PUM1: variants seen among roughly 807,000 people sequenced by gnomAD.
PUM1 encodes pumilio homolog 1.
A neutral mutation model predicts 131.8 loss-of-function variants in PUM1; 13 were observed. That is an observed-to-expected ratio of 0.10 (90% CI 0.06 to 0.16). The LOEUF is 0.16. Ranked by LOEUF, PUM1 falls within the 10% of genes least tolerant of loss-of-function variation. The pLI is 1.00. For synonymous variants in PUM1, 509 were observed against 556.5 expected (o/e 0.91, Z 1.20); for missense variants, 961 against 1,512.4 (o/e 0.64, Z 6.05).
rs148358387 is a variant in PUM1, at chr1:30,992,530, T to G, written c.1018A>C (p.Met340Leu). 5.3e-4 allele frequency: 855 copies of G among 1,614,244 alleles called. 6 individuals are homozygous for G. The highest frequency in any genetic ancestry group is 1.1e-4 in the Non-Finnish European group (128 of 1,180,030). Residue 340 changes from methionine to leucine, a missense_variant, in exon 7 of 22, where the codon ATG becomes CTG. Physicochemically the swap from Met to Leu is conservative, Grantham distance 15. Coordinates refer to ENST00000426105, the MANE Select transcript of PUM1 (RefSeq NM_001020658.2). ...GAKPVEDFSN[M>L]ESQSVPLDPM... Reference sequence around the variant, plus strand: ...TCCAAGGGGACACTCTGGGACTCCATGTTGGAGAAATCCTCCACAGGCTTG... The same window carrying G: ...TCCAAGGGGACACTCTGGGACTCCAGGTTGGAGAAATCCTCCACAGGCTTG...
chr1:31,010,195 T>G (rs1245334985), intron 3 of PUM1, among the ~76,000 whole-genome samples: 2 of 152,116 alleles, frequency 1.3e-5, no homozygotes, highest in Non-Finnish European at 2.9e-5. Context: ...CTCTTAAAAG[T>G]CTCTGAATCT....
chr1:31,017,993 C>A (rs1467961743), intron 3 of PUM1, among the ~76,000 whole-genome samples: 2 of 152,072 alleles, frequency 1.3e-5, no homozygotes, highest in Non-Finnish European at 2.9e-5. Context: ...GAAGTAGGGG[C>A]AAGGACAAAA....
chr1:31,045,010 T>G (rs1643918646), intron 2 of PUM1, among the ~76,000 whole-genome samples: 1 of 151,946 alleles, frequency 6.6e-6, no homozygotes, highest in African/African-American at 2.4e-5. Flanking sequence ...TGGTTTCATA[T>G]GTTGGTCTCG....
intron 3 of PUM1, among the ~76,000 whole-genome samples, chr1:31,007,537 A>G (rs1027209944): frequency 2.6e-5 from 4 of 152,238 alleles, no homozygotes; most frequent in African/African-American, 9.6e-5. Context: ...AAGCTGGAGC[A>G]TGAACCAGCT....
chr1:31,052,794 C>T (rs10798822), intron 2 of PUM1, among the ~76,000 whole-genome samples: 42,171 of 149,528 alleles, frequency 0.28, 7,542 homozygotes, highest in East Asian at 0.53. Flanking sequence ...TGCCCTGCTT[C>T]CCGGGTTAGA....
At chr1:31,058,218 CCTA>C (rs1644290179) in intron 2 of PUM1, among the ~76,000 whole-genome samples, 1 of 152,134 alleles carries the variant, frequency 6.6e-6, no homozygotes, top group African/African-American at 2.4e-5. Flanking sequence ...TCAACTTCCC[CCTA>C]CTTTCAACTA....
intron 2 of PUM1, among the ~76,000 whole-genome samples, chr1:31,047,849 T>C (rs1419209922): frequency 3.4e-5 from 5 of 147,672 alleles, no homozygotes; most frequent in African/African-American, 5.0e-5. Flanking sequence ...GGCTGAGGCA[T>C]TGGAATGGCT....
Position 31,048,726 on chromosome 1 carries a change from G to A in PUM1, c.363+10478C>T, listed in dbSNP as rs536592324. Among the ~76,000 whole-genome samples, 10 of 151,502 alleles carry A rather than the reference G, an allele frequency of 6.6e-5. No homozygotes were observed. The South Asian group carries it at 1.7e-3, about 25-fold the overall frequency. On this transcript the variant is annotated intron_variant, in intron 2 of 21. Coordinates refer to ENST00000426105, the MANE Select transcript of PUM1 (RefSeq NM_001020658.2). Reference sequence around the variant, plus strand: ...CCTGACCTCATGATCCGCCTGCCTCGGCCTCCCAAAGTGCTGCGATTACAG... The same window carrying A: ...CCTGACCTCATGATCCGCCTGCCTCAGCCTCCCAAAGTGCTGCGATTACAG...
chr1:31,056,054 C>A (rs764308692), intron 2 of PUM1, among the ~76,000 whole-genome samples: 13 of 152,120 alleles, frequency 8.5e-5, no homozygotes, highest in Non-Finnish European at 1.5e-4. Flanking sequence ...AAATCAAATA[C>A]CTCCTACCTT....
chr1:30,977,089 C>A (rs1641164752), intron 9 of PUM1, among the ~76,000 whole-genome samples: 1 of 152,054 alleles, frequency 6.6e-6, no homozygotes, highest in Non-Finnish European at 1.5e-5. Flanking sequence ...GGGATGTGAC[C>A]CAAGTCTAAA....
chr1:31,012,764 C>CTAG (rs1319623096), intron 3 of PUM1, among the ~76,000 whole-genome samples: 3 of 151,858 alleles, frequency 2.0e-5, no homozygotes, highest in African/African-American at 7.3e-5. Flanking sequence ...TGTCATAAAC[C>CTAG]CCTACACCAA....
chr1:31,059,347 G>A lies in PUM1; in HGVS notation c.220C>T (p.Arg74Cys). ...TCCACCATAGCGTCGTCCTGGGAAC[G>A]GCCTGCAACTCCTATAGATCCTGGG... Reference protein sequence around the residue: ...PVPGSIGVAGRSQDDAMVDYF... With the variant: ...PVPGSIGVAGCSQDDAMVDYF... Residue 74 changes from arginine (R) to cysteine (C), a missense_variant, in exon 2 of 22, where the codon CGT becomes TGT. Physicochemically the swap from Arg to Cys is radical, Grantham distance 180. Coordinates refer to ENST00000426105, the MANE Select transcript of PUM1 (RefSeq NM_001020658.2). 2 of 1,614,162 alleles carry A rather than the reference G, an allele frequency of 1.2e-6. No homozygotes were observed. The highest frequency in any genetic ancestry group is 1.3e-5 in the African/African-American group (1 of 75,034).
intron 14 of PUM1, among the ~76,000 whole-genome samples, chr1:30,961,702 G>C (rs1640414787): frequency 6.6e-6 from 1 of 151,962 alleles, no homozygotes; most frequent in Non-Finnish European, 1.5e-5. Flanking sequence ...TGCCTCCTGG[G>C]ACAAAGTGTA....
intron 10 of PUM1, among the ~76,000 whole-genome samples, chr1:30,971,099 T>C (rs1444115508): frequency 2.0e-5 from 3 of 152,218 alleles, no homozygotes; most frequent in East Asian, 1.9e-4. Flanking sequence ...CATGATTTTA[T>C]GGAAACAAAA....
chr1:31,040,916 T>C (rs1314816348), intron 2 of PUM1, among the ~76,000 whole-genome samples: 1 of 152,126 alleles, frequency 6.6e-6, no homozygotes, highest in Non-Finnish European at 1.5e-5. Context: ...GCAGATCGTA[T>C]CTTCAAAAAC....
intron 21 of PUM1, among the ~76,000 whole-genome samples, chr1:30,934,101 G>A (rs988620791): frequency 2.6e-5 from 4 of 152,164 alleles, no homozygotes; most frequent in Admixed American, 2.0e-4. Context: ...TATGCTCTGA[G>A]TCACTTCTCC....
chr1:30,960,545 G>A (rs1232411987), intron 14 of PUM1, among the ~76,000 whole-genome samples: 1 of 152,182 alleles, frequency 6.6e-6, no homozygotes, highest in African/African-American at 2.4e-5. Flanking sequence ...CAACTACAGC[G>A]AGGCCACAGT....
intron 2 of PUM1, among the ~76,000 whole-genome samples, chr1:31,044,560 C>CT (rs1206477978): frequency 6.6e-6 from 1 of 152,072 alleles, no homozygotes; most frequent in African/African-American, 2.4e-5. Context: ...TGGTGGTTGC[C>CT]TAAGACTGGG....
At chr1:30,940,462 C>A (rs1211801106) in intron 20 of PUM1, among the ~76,000 whole-genome samples, 1 of 152,192 alleles carries the variant, frequency 6.6e-6, no homozygotes, top group East Asian at 1.9e-4. Flanking sequence ...GGCGACAGAG[C>A]GTGACCCTGT....
Sources: allele counts gnomAD v4.1 joint callset (sites outside exome capture counted in the v4.1 genomes callset), GRCh38; gene constraint gnomAD v4.1.1; transcripts MANE v1.5; gene names NCBI Gene and HGNC (gene_info 2026-07-23, HGNC 2026-07-21).